Variants in CPHXL2 observed in about 807,000 individuals in gnomAD.
CPHXL2 encodes the protein cytoplasmic polyadenylated homeobox-like protein 2.
the CPHXL2 span, among the ~76,000 whole-genome samples, chr16:75,673,261 C>T: frequency 1.3e-5 from 2 of 151,818 alleles, no homozygotes; most frequent in African/African-American, 4.8e-5. Context: ...ATGTTGAAAC[C>T]TCTTCTCTAC....
chr16:75,669,538 T>C, the CPHXL2 span: 1 of 398,808 alleles, frequency 2.5e-6, no homozygotes, highest in Non-Finnish European at 4.4e-6. Context: ...ATTATGATGA[T>C]CCTCTTCAGC....
At chr16:75,666,498 C>A in the CPHXL2 span, among the ~76,000 whole-genome samples, 1 of 150,460 alleles carries the variant, frequency 6.6e-6, no homozygotes, top group East Asian at 2.0e-4. Context: ...ATTCCAGCTA[C>A]GTGGGAGGCT....
the CPHXL2 span, among the ~76,000 whole-genome samples, chr16:75,663,599 A>T: frequency 6.6e-6 from 1 of 152,124 alleles, no homozygotes; most frequent in African/African-American, 2.4e-5. Flanking sequence ...GAAACATAGA[A>T]CAAGGTTGGC....
At chr16:75,666,884 T>A in the CPHXL2 span, among the ~76,000 whole-genome samples, 1 of 152,142 alleles carries the variant, frequency 6.6e-6, no homozygotes, top group African/African-American at 2.4e-5. Flanking sequence ...AAGGACTCTC[T>A]CAGACCACAG....
chr16:75,660,672 C>T, the CPHXL2 span: 1 of 398,596 alleles, frequency 2.5e-6, no homozygotes, highest in Non-Finnish European at 4.4e-6. Context: ...TTTCTTCACC[C>T]CGTAAGCACC....
chr16:75,668,542 G>C, the CPHXL2 span, among the ~76,000 whole-genome samples: 1 of 151,286 alleles, frequency 6.6e-6, no homozygotes, highest in African/African-American at 2.4e-5. Flanking sequence ...TTTTCATATT[G>C]TGTGTGTGTG....
At chr16:75,671,190 C>T in the CPHXL2 span, among the ~76,000 whole-genome samples, 1 of 152,054 alleles carries the variant, frequency 6.6e-6, no homozygotes. Context: ...CGAGGATAGC[C>T]TGGCCAACAT....
chr16:75,673,859 G>T, the CPHXL2 span, among the ~76,000 whole-genome samples: 17 of 151,804 alleles, frequency 1.1e-4, no homozygotes, highest in Middle Eastern at 3.4e-3. Context: ...GTGTGCCTGT[G>T]GTCCCAGATA....
the CPHXL2 span, among the ~76,000 whole-genome samples, chr16:75,673,995 G>C: frequency 7.8e-6 from 1 of 127,608 alleles, no homozygotes; most frequent in South Asian, 2.5e-4. Context: ...AAAAAAAAAA[G>C]ATAAAAAAAA....
chr16:75,675,169 A>G, the CPHXL2 span, among the ~76,000 whole-genome samples: 163 of 149,862 alleles, frequency 1.1e-3, no homozygotes, highest in Middle Eastern at 3.4e-3. Context: ...AGGCTGGGTG[A>G]CAGAGTGAGA....
the CPHXL2 span, among the ~76,000 whole-genome samples, chr16:75,672,163 C>A: frequency 4.6e-5 from 7 of 151,462 alleles, no homozygotes; most frequent in African/African-American, 1.7e-4. Context: ...CCTGTAATCC[C>A]AGCTACTCAG....
At chr16:75,674,144 G>A in the CPHXL2 span, among the ~76,000 whole-genome samples, 1 of 151,018 alleles carries the variant, frequency 6.6e-6, no homozygotes, top group Non-Finnish European at 1.5e-5. Flanking sequence ...GAGGCCAAGG[G>A]GGGTGGATCA....
the CPHXL2 span, among the ~76,000 whole-genome samples, chr16:75,664,840 A>G: frequency 1.3e-5 from 2 of 152,118 alleles, no homozygotes; most frequent in Non-Finnish European, 2.9e-5. Flanking sequence ...CCCCTGAGCT[A>G]GTACCCTCAG....
At chr16:75,668,721 A>G in the CPHXL2 span, among the ~76,000 whole-genome samples, 4 of 152,216 alleles carry the variant, frequency 2.6e-5, no homozygotes, top group Admixed American at 2.0e-4. Flanking sequence ...CAAATGCTAC[A>G]TAAGTAGTTC....
chr16:75,671,080 C>T, the CPHXL2 span, among the ~76,000 whole-genome samples: 1 of 152,150 alleles, frequency 6.6e-6, no homozygotes, highest in African/African-American at 2.4e-5. Flanking sequence ...CCCTAACCAC[C>T]CTATTAAAAA....
the CPHXL2 span, among the ~76,000 whole-genome samples, chr16:75,674,539 A>G: frequency 6.6e-6 from 1 of 152,186 alleles, no homozygotes; most frequent in African/African-American, 2.4e-5. Context: ...TACAATACAA[A>G]GTAAAAATCC....
chr16:75,661,079 C>A, the CPHXL2 span: 5 of 400,732 alleles, frequency 1.2e-5, no homozygotes, highest in African/African-American at 1.0e-4. Flanking sequence ...TCAGAGCCCT[C>A]TTGGCACAGG....
At chr16:75,675,538 C>T in the CPHXL2 span, among the ~76,000 whole-genome samples, 15 of 151,814 alleles carry the variant, frequency 9.9e-5, no homozygotes, top group South Asian at 2.1e-4. Flanking sequence ...AAAAATTCAC[C>T]GAAGAAAAAA....
At chr16:75,660,556 C>T in the CPHXL2 span, 2 of 398,490 alleles carry the variant, frequency 5.0e-6, no homozygotes, top group Non-Finnish European at 8.8e-6. Context: ...AACATCATCC[C>T]CTCTGAGTAA....
Sources: allele counts gnomAD v4.1 joint callset (sites outside exome capture counted in the v4.1 genomes callset), GRCh38; gene constraint gnomAD v4.1.1; transcripts MANE v1.5; gene names NCBI Gene and HGNC (gene_info 2026-07-23, HGNC 2026-07-21).